The following TTLL9 variants were observed in gnomAD, a reference collection of about 807,000 sequenced individuals.
TTLL9 encodes the protein probable tubulin polyglutamylase TTLL9.
In TTLL9, 47 loss-of-function variants were observed where a neutral mutation model predicts 65.6. That is an observed-to-expected ratio of 0.72 (90% CI 0.57 to 0.91). The LOEUF (loss-of-function observed/expected upper bound fraction) is 0.91. Ranked by LOEUF, TTLL9 falls within the 40% of genes least tolerant of loss-of-function variation. The pLI is 0.00. For missense variants in TTLL9, 537 were observed against 568.8 expected (o/e 0.94, Z 0.57); for synonymous variants, 179 against 204.8 (o/e 0.87, Z 1.07).
intron 6 of TTLL9, among the ~76,000 whole-genome samples, chr20:31,912,488 T>A (rs1312302495): frequency 6.6e-6 from 1 of 152,122 alleles, no homozygotes; most frequent in East Asian, 1.9e-4. Context: ...CAGAGTATGA[T>A]TCAGTCAGCC....
At chr20:31,925,137 TTG>T in intron 9 of TTLL9, 88 bp downstream of exon 9, 1 of 1,345,230 alleles carries the variant, frequency 7.4e-7, no homozygotes, top group Non-Finnish European at 1.0e-6. Context: ...TGGGGGTACC[TTG>T]TGTGAGCTTG....
intron 3 of TTLL9, among the ~76,000 whole-genome samples, chr20:31,897,765 C>T (rs1398968664): frequency 3.3e-5 from 5 of 152,076 alleles, no homozygotes; most frequent in Non-Finnish European, 4.4e-5. Flanking sequence ...GGACTCCCTA[C>T]TCGGCCTTTC....
chr20:31,925,772 C>T, intron 9 of TTLL9: 2 of 1,095,122 alleles, frequency 1.8e-6, no homozygotes. Flanking sequence ...CATAAGGGCA[C>T]TCCGGGTGGA....
intron 7 of TTLL9, among the ~76,000 whole-genome samples, chr20:31,920,914 G>T (rs2063807170): frequency 6.6e-6 from 1 of 152,234 alleles, no homozygotes; most frequent in Non-Finnish European, 1.5e-5. Flanking sequence ...GGGACAATAG[G>T]TGGGAGAGGT....
At chr20:31,887,766 C>A (rs1021755786) in intron 3 of TTLL9, among the ~76,000 whole-genome samples, 1 of 152,168 alleles carries the variant, frequency 6.6e-6, no homozygotes, top group African/African-American at 2.4e-5. Flanking sequence ...GTAGACTTTA[C>A]TGAAGATTTT....
intron 3 of TTLL9, among the ~76,000 whole-genome samples, chr20:31,897,236 A>G (rs2063400416): frequency 1.3e-5 from 2 of 152,178 alleles, no homozygotes; most frequent in Admixed American, 6.5e-5. Flanking sequence ...TACCTATTTC[A>G]TATTGGATGA....
At position 31,871,208 on chromosome 20, in the gene TTLL9, A is replaced by G. The variant is rs1485611955; in HGVS notation, c.69+13A>G. On this transcript the variant is annotated intron_variant, in intron 2 of 14. Transcript: ENST00000535842. ...CAAGAAATTACAGGTGAATGTTGGG[A>G]GAGGGGTTTGAGGGAGGGTTCCAGT... 3.1e-6 allele frequency: 5 copies of G among 1,613,694 alleles called. No homozygotes were observed. Among genetic ancestry groups the G allele is most frequent in the Non-Finnish European group, 4.2e-6 (5 of 1,179,678 alleles).
intron 3 of TTLL9, among the ~76,000 whole-genome samples, chr20:31,891,349 A>C (rs1460891010): frequency 2.6e-5 from 4 of 152,144 alleles, no homozygotes; most frequent in Admixed American, 1.3e-4. Context: ...ATTCTTGTGA[A>C]TATTTGGTAT....
chr20:31,926,507 G>T (rs978111799), intron 10 of TTLL9, among the ~76,000 whole-genome samples: 2 of 152,160 alleles, frequency 1.3e-5, no homozygotes, highest in Non-Finnish European at 2.9e-5. Flanking sequence ...AAAGACAAAT[G>T]CACACATGCC....
chr20:31,944,513 A>G lies in TTLL9; in HGVS notation c.*1492A>G, dbSNP rs1173960859. 2 of 152,358 alleles carry G rather than the reference A, an allele frequency of 1.3e-5. No homozygotes were observed. Among genetic ancestry groups the G allele is most frequent in the Non-Finnish European group, 2.9e-5 (2 of 68,180 alleles). 9.4% of individuals were successfully genotyped at this position (152,358 alleles called of 1,614,324 possible). ...GGAATCACACTGTGCTTGCACAAAA[A>G]TTATTAGCTTATAAGACACCAGCCT... On this transcript the variant is annotated 3_prime_UTR_variant, in exon 15 of 15. Transcript: ENST00000535842.
chr20:31,941,458 T>C (rs2123657423), intron 14 of TTLL9, among the ~76,000 whole-genome samples: 1 of 152,144 alleles, frequency 6.6e-6, no homozygotes, highest in South Asian at 2.1e-4. Context: ...TAAAGACTAC[T>C]GACGCCTGCC....
chr20:31,927,516 T>C (rs1277243996), intron 10 of TTLL9, among the ~76,000 whole-genome samples: 1 of 117,792 alleles, frequency 8.5e-6, no homozygotes, highest in African/African-American at 3.2e-5. Context: ...AAACTGGAAA[T>C]AGATGTTGCC....
intron 5 of TTLL9, 130 bp downstream of exon 5, chr20:31,908,832 C>A: frequency 1.3e-5 from 10 of 749,910 alleles, no homozygotes; most frequent in Non-Finnish European, 2.1e-5. Flanking sequence ...GGGAAGTCTG[C>A]GGGCTAGACC....
At chr20:31,882,589 A>G (rs1319919189) in intron 2 of TTLL9, among the ~76,000 whole-genome samples, 1 of 152,178 alleles carries the variant, frequency 6.6e-6, no homozygotes, top group African/African-American at 2.4e-5. Context: ...CAAGCAACTA[A>G]GCCACTTTTG....
intron 6 of TTLL9, among the ~76,000 whole-genome samples, chr20:31,915,758 T>G (rs2063725433): frequency 6.6e-6 from 1 of 152,188 alleles, no homozygotes; most frequent in South Asian, 2.1e-4. Context: ...GGGTGTGTGT[T>G]TTTTTTCAAG....
At chr20:31,913,676 C>T (rs1343319578) in intron 6 of TTLL9, among the ~76,000 whole-genome samples, 4 of 152,232 alleles carry the variant, frequency 2.6e-5, no homozygotes, top group African/African-American at 4.8e-5. Flanking sequence ...TCCGTCTACA[C>T]CACCCTGTGG....
chr20:31,936,614 C>T (rs1357686386), intron 12 of TTLL9, among the ~76,000 whole-genome samples: 2 of 152,210 alleles, frequency 1.3e-5, no homozygotes, highest in Non-Finnish European at 2.9e-5. Context: ...CTCCAGCTCA[C>T]CACAGTCTCC....
intron 3 of TTLL9, among the ~76,000 whole-genome samples, chr20:31,888,914 T>C (rs1160857601): frequency 6.6e-6 from 1 of 152,018 alleles, no homozygotes; most frequent in Non-Finnish European, 1.5e-5. Flanking sequence ...AGGGATCCAT[T>C]TTCAGGATCC....
At chr20:31,874,519 C>T (rs1456384265) in intron 2 of TTLL9, among the ~76,000 whole-genome samples, 1 of 148,872 alleles carries the variant, frequency 6.7e-6, no homozygotes, top group African/African-American at 2.5e-5. Context: ...TCAAGCTATT[C>T]TCCTGCCTCA....
Sources: gnomAD v4.1 joint callset for allele counts (sites outside exome capture counted in the v4.1 genomes callset) on GRCh38, gnomAD v4.1.1 for gene constraint, MANE v1.5 for transcripts, NCBI Gene and HGNC (gene_info 2026-07-23, HGNC 2026-07-21) for gene names.